Variants in GPM6B observed in about 807,000 individuals in gnomAD.
GPM6B encodes the protein neuronal membrane glycoprotein M6-b.
GPM6B carries 4 observed loss-of-function variants against 27.2 expected under a neutral mutation model. The ratio of observed to expected loss-of-function variants is 0.15; its 90% CI spans 0.07 to 0.34. The LOEUF (loss-of-function observed/expected upper bound fraction) is 0.34. Ranked by LOEUF, GPM6B falls within the 10% of genes least tolerant of loss-of-function variation. The pLI, the probability that GPM6B is intolerant of heterozygous loss-of-function variation, is 1.00. For missense variants in GPM6B, 183 were observed against 261.9 expected (o/e 0.70, Z 2.08); for synonymous variants, 124 against 103.1 (o/e 1.20, Z -1.23).
rs974773697 is a variant in GPM6B, at chrX:13,772,948, G to A, written c.920C>T (p.Ala307Val). 5.8e-6 allele frequency: 7 copies of A among 1,206,461 alleles called. No homozygotes were observed. Among genetic ancestry groups the A allele is most frequent in the African/African-American group, 1.8e-5 (1 of 57,066 alleles). ...ATCTTGCAGTTCCTGTTCTTCCTTTGCTTTGATATCCTGGTAAGCCTGCAT... is the reference window on the plus strand; with the variant it reads ...ATCTTGCAGTTCCTGTTCTTCCTTTACTTTGATATCCTGGTAAGCCTGCAT... ...SKMQAYQDIK[A>V]KEEQELQDIQ... Residue 307 changes from alanine (A) to valine (V), a missense_variant, in exon 8 of 8, where the codon GCA (alanine) becomes GTA (valine). Ala to Val is a moderately conservative substitution (Grantham distance 64, BLOSUM62 0). Coordinates refer to ENST00000316715, the MANE Select transcript of GPM6B (RefSeq NM_001001995.3).
chrX:13,886,260 A>T (rs187338665), intron 1 of GPM6B, among the ~76,000 whole-genome samples: 202 of 112,093 alleles, frequency 1.8e-3, no homozygotes, highest in Non-Finnish European at 3.3e-3. Context: ...ACGTTTAATC[A>T]ATGATTAATT....
chrX:13,829,518 C>T (rs1343636500), intron 1 of GPM6B, among the ~76,000 whole-genome samples: 2 of 111,520 alleles, frequency 1.8e-5, no homozygotes, highest in Non-Finnish European at 3.8e-5. Flanking sequence ...GGTGATTTCA[C>T]GTCCTTCTAG....
In GPM6B at chrX:13,931,683, CA is replaced by C. The variant is rs201566487; in HGVS notation, c.-198+6643del. On this transcript the variant is annotated intron_variant, in intron 1 of 6. Transcript: ENST00000398361. ...CAAAAGGGATGAAACAATGGACTTA[CA>C]AAAAAACATTTTTGTAAGATTCATT... 3.1e-3 allele frequency among the ~76,000 whole-genome samples: 343 copies of C among 111,002 alleles called. 5 individuals are homozygous for C. Among genetic ancestry groups the C allele is most frequent in the Admixed American group, 0.03 (312 of 10,478 alleles).
intron 1 of GPM6B, among the ~76,000 whole-genome samples, chrX:13,853,497 G>A (rs1010466944): frequency 7.5e-5 from 8 of 106,003 alleles, no homozygotes; most frequent in South Asian, 4.4e-4. Flanking sequence ...CCAGCTACTC[G>A]GGAGGTTGAG....
At chrX:13,822,606 C>A (rs1231734361) in intron 1 of GPM6B, among the ~76,000 whole-genome samples, 1 of 108,441 alleles carries the variant, frequency 9.2e-6, no homozygotes, top group Non-Finnish European at 1.9e-5. Context: ...AAACTCCTGA[C>A]CTCAGGTGAT....
At chrX:13,839,716 T>C (rs2049549663) in intron 1 of GPM6B, among the ~76,000 whole-genome samples, 1 of 111,880 alleles carries the variant, frequency 8.9e-6, no homozygotes, top group South Asian at 3.7e-4. Flanking sequence ...CTTCTAGGAA[T>C]TAAAGCCCAA....
At chrX:13,848,721 G>C (rs1219003474) in intron 1 of GPM6B, among the ~76,000 whole-genome samples, 1 of 112,018 alleles carries the variant, frequency 8.9e-6, no homozygotes, top group Non-Finnish European at 1.9e-5. Context: ...GTTATCATAT[G>C]ATAATTCTGC....
intron 1 of GPM6B, among the ~76,000 whole-genome samples, chrX:13,887,345 T>C (rs2050147254): frequency 8.9e-6 from 1 of 112,085 alleles, no homozygotes; most frequent in Admixed American, 9.5e-5. Flanking sequence ...GTGAATAGCA[T>C]GGCATACCAT....
chrX:13,930,512 A>G (rs1038610572), intron 1 of GPM6B, among the ~76,000 whole-genome samples: 1 of 111,187 alleles, frequency 9.0e-6, no homozygotes, highest in African/African-American at 3.3e-5. Context: ...TACTCGAGAG[A>G]CTGAGGCAGA....
intron 1 of GPM6B, among the ~76,000 whole-genome samples, chrX:13,866,747 T>A (rs753023681): frequency 1.8e-5 from 2 of 111,697 alleles, no homozygotes; most frequent in African/African-American, 6.5e-5. Context: ...AGGTCCCAAA[T>A]TGATTAGAAG....
At chrX:13,817,549 G>T (rs1284807689), upstream of GPM6B, among the ~76,000 whole-genome samples, 5 of 112,291 alleles carry the variant, frequency 4.5e-5, no homozygotes, top group African/African-American at 1.6e-4. Flanking sequence ...CATTTATGAT[G>T]TATCAGTTTA....
At chrX:13,871,401 G>A (rs1431122128) in intron 1 of GPM6B, among the ~76,000 whole-genome samples, 1 of 112,322 alleles carries the variant, frequency 8.9e-6, no homozygotes, top group East Asian at 2.8e-4. Context: ...CTGAGGTCCT[G>A]ATTTAATTGG....
chrX:13,881,075 TCTC>T (rs1027005698), intron 1 of GPM6B, among the ~76,000 whole-genome samples: 3 of 112,137 alleles, frequency 2.7e-5, no homozygotes, highest in Non-Finnish European at 5.6e-5. Context: ...ATTTGCCTGT[TCTC>T]CTGTCTTGTT....
At chrX:13,883,806 C>T (rs2050107535) in intron 1 of GPM6B, among the ~76,000 whole-genome samples, 5 of 111,108 alleles carry the variant, frequency 4.5e-5, no homozygotes, top group Non-Finnish European at 1.9e-5. Context: ...TATGATTGCA[C>T]CACTGCATTC....
intron 1 of GPM6B, among the ~76,000 whole-genome samples, chrX:13,874,102 T>A (rs1019993658): frequency 7.2e-5 from 8 of 111,762 alleles, no homozygotes; most frequent in African/African-American, 2.3e-4. Flanking sequence ...ATTCAAAAAG[T>A]GTGAGATTAA....
intron 1 of GPM6B, among the ~76,000 whole-genome samples, chrX:13,886,145 G>A (rs752086648): frequency 8.9e-6 from 1 of 111,777 alleles, no homozygotes; most frequent in East Asian, 2.8e-4. Context: ...TTTTCATTAT[G>A]TGCTGCAAAA....
intron 4 of GPM6B, among the ~76,000 whole-genome samples, chrX:13,781,248 G>A (rs1031998130): frequency 2.7e-5 from 3 of 111,152 alleles, no homozygotes; most frequent in African/African-American, 9.8e-5. Flanking sequence ...GGCCTCTAGC[G>A]TCCAGAGCTG....
chrX:13,829,511 G>A (rs1203357591), intron 1 of GPM6B, among the ~76,000 whole-genome samples: 2 of 111,451 alleles, frequency 1.8e-5, no homozygotes, highest in African/African-American at 6.5e-5. Flanking sequence ...ACTAGCTGGT[G>A]ATTTCACGTC....
chrX:13,789,642 G>T (rs1209429933), intron 2 of GPM6B, among the ~76,000 whole-genome samples: 2 of 111,147 alleles, frequency 1.8e-5, no homozygotes. Flanking sequence ...GGGCGTGGTG[G>T]TGGGCGCCTG....
Sources: gnomAD v4.1 joint callset for allele counts (sites outside exome capture counted in the v4.1 genomes callset) on GRCh38, gnomAD v4.1.1 for gene constraint, MANE v1.5 for transcripts, NCBI Gene and HGNC (gene_info 2026-07-23, HGNC 2026-07-21) for gene names.